AUTS2: variants seen among roughly 807,000 people sequenced by gnomAD.
The protein encoded by AUTS2 is activator of transcription and developmental regulator AUTS2, also known as autism susceptibility gene 2 protein.
Under a neutral mutation model 112.4 loss-of-function variants are expected in AUTS2, and 17 were observed. The observed-to-expected ratio is 0.15, with a 90% CI of 0.10 to 0.23. AUTS2 has a LOEUF of 0.23. AUTS2 is among the 10% of genes least tolerant of loss of function. The pLI is 1.00. For synonymous variants in AUTS2, 751 were observed against 702.7 expected, an observed-to-expected ratio of 1.07 and a Z score of -1.09; for missense variants, 1,510 against 1,701.6, an observed-to-expected ratio of 0.89 and a Z score of 1.98.
intron 1 of AUTS2, among the ~76,000 whole-genome samples, chr7:69,804,027 T>C (rs988251543): frequency 6.6e-6 from 1 of 152,178 alleles, no homozygotes; most frequent in Admixed American, 6.5e-5. Context: ...GTGAGACTCT[T>C]GTCTCAAAGA....
chr7:70,485,512 G>A (rs937717370), intron 5 of AUTS2, among the ~76,000 whole-genome samples: 2 of 152,090 alleles, frequency 1.3e-5, no homozygotes, highest in African/African-American at 4.8e-5. Flanking sequence ...CTACATATTG[G>A]ATATAGTGTA....
chr7:69,624,201 T>A (rs1793823673), intron 1 of AUTS2, among the ~76,000 whole-genome samples: 1 of 152,228 alleles, frequency 6.6e-6, no homozygotes, highest in Admixed American at 6.5e-5. Flanking sequence ...TCATGATAGT[T>A]TTGAAAATGC....
chr7:69,887,062 G>C (rs377535551), intron 1 of AUTS2, among the ~76,000 whole-genome samples: 8 of 152,272 alleles, frequency 5.3e-5, no homozygotes, highest in East Asian at 1.9e-4. Context: ...AAAGGCATGA[G>C]CCACCGTGCA....
intron 5 of AUTS2, among the ~76,000 whole-genome samples, chr7:70,525,818 C>T (rs1585255137): frequency 2.0e-5 from 3 of 152,188 alleles, no homozygotes; most frequent in African/African-American, 7.2e-5. Flanking sequence ...GAGGAGGGCA[C>T]TCGAGTGAGG....
intron 5 of AUTS2, among the ~76,000 whole-genome samples, chr7:70,644,427 ACT>A (rs1336095667): frequency 1.3e-5 from 2 of 151,686 alleles, no homozygotes; most frequent in African/African-American, 4.8e-5. Flanking sequence ...CACAGTCCCG[ACT>A]CTATCACTTC....
At chr7:70,231,756 TTTTG>T (rs145126703) in intron 4 of AUTS2, among the ~76,000 whole-genome samples, 103,358 of 134,880 alleles carry the variant, frequency 0.77, 35,995 homozygotes, top group Non-Finnish European at 0.79. Context: ...TATGAGGTTT[TTTTG>T]TTTGTTTGTT....
At chr7:70,622,493 G>A (rs566718648) in intron 5 of AUTS2, among the ~76,000 whole-genome samples, 1 of 152,116 alleles carries the variant, frequency 6.6e-6, no homozygotes, top group African/African-American at 2.4e-5. Flanking sequence ...CTGCACTCCC[G>A]CTAACCCCCA....
intron 4 of AUTS2, among the ~76,000 whole-genome samples, chr7:70,301,107 C>T (rs940212942): frequency 6.6e-6 from 1 of 152,136 alleles, no homozygotes; most frequent in African/African-American, 2.4e-5. Flanking sequence ...AGCATTTAGA[C>T]CATAATTCAA....
chr7:70,498,740 C>G (rs947860125), intron 5 of AUTS2, among the ~76,000 whole-genome samples: 1 of 152,136 alleles, frequency 6.6e-6, no homozygotes, highest in African/African-American at 2.4e-5. Flanking sequence ...GGATTAGGAG[C>G]TTGGTAGGGG....
chr7:70,484,991 G>A (rs777979690), intron 5 of AUTS2, among the ~76,000 whole-genome samples: 12 of 152,130 alleles, frequency 7.9e-5, no homozygotes, highest in Non-Finnish European at 1.3e-4. Flanking sequence ...AATAGATGTT[G>A]CCGTGGTTGT....
At chr7:69,957,043 GTTCT>G (rs1797241043) in intron 2 of AUTS2, among the ~76,000 whole-genome samples, 1 of 145,486 alleles carries the variant, frequency 6.9e-6, no homozygotes, top group East Asian at 2.0e-4. Flanking sequence ...TTTTCTTTTT[GTTCT>G]TTCTTTTTTT....
intron 5 of AUTS2, among the ~76,000 whole-genome samples, chr7:70,558,936 T>G (rs1801362936): frequency 6.6e-6 from 1 of 152,230 alleles, no homozygotes; most frequent in South Asian, 2.1e-4. Context: ...TGATAGGCCA[T>G]GCCATCTGAT....
chr7:70,656,786 C>T (rs758882940), intron 5 of AUTS2, among the ~76,000 whole-genome samples: 3 of 152,138 alleles, frequency 2.0e-5, no homozygotes, highest in Non-Finnish European at 4.4e-5. Flanking sequence ...ACAGATAACC[C>T]GGCCATGTTA....
At chr7:70,394,334 A>G (rs1793993495) in intron 4 of AUTS2, among the ~76,000 whole-genome samples, 1 of 152,228 alleles carries the variant, frequency 6.6e-6, no homozygotes, top group Admixed American at 6.5e-5. Flanking sequence ...AGATGAGAAC[A>G]CTGATGCTTG....
chr7:70,017,274 G>C (rs1388000308), intron 2 of AUTS2, among the ~76,000 whole-genome samples: 1 of 152,094 alleles, frequency 6.6e-6, no homozygotes, highest in Non-Finnish European at 1.5e-5. Context: ...TTCTTTTTCG[G>C]GGAAGACAGA....
chr7:70,222,337 G>A (rs1223608121), intron 4 of AUTS2, among the ~76,000 whole-genome samples: 1 of 152,178 alleles, frequency 6.6e-6, no homozygotes, highest in Non-Finnish European at 1.5e-5. Context: ...GAGTGAAGGT[G>A]AAGCTGCTTT....
chr7:70,109,370 C>A (rs1030781659), intron 2 of AUTS2, among the ~76,000 whole-genome samples: 3 of 152,038 alleles, frequency 2.0e-5, no homozygotes, highest in Non-Finnish European at 2.9e-5. Context: ...AATTTCTGAG[C>A]CTATTTGAAA....
At chr7:70,502,239 AC>A (rs1562999211) in intron 5 of AUTS2, among the ~76,000 whole-genome samples, 1 of 152,164 alleles carries the variant, frequency 6.6e-6, no homozygotes. Flanking sequence ...CTTCAGGTCC[AC>A]CTCGTACCCT....
intron 5 of AUTS2, among the ~76,000 whole-genome samples, chr7:70,482,592 A>G (rs1489964620): frequency 6.6e-6 from 1 of 152,218 alleles, no homozygotes; most frequent in Non-Finnish European, 1.5e-5. Flanking sequence ...AAAGAATCAG[A>G]GCATATCTGG....
Sources: gnomAD v4.1 joint callset for allele counts (sites outside exome capture counted in the v4.1 genomes callset) on GRCh38, gnomAD v4.1.1 for gene constraint, MANE v1.5 for transcripts, NCBI Gene and HGNC (gene_info 2026-07-23, HGNC 2026-07-21) for gene names.